TBC1D19: variants seen among roughly 807,000 people sequenced by gnomAD.
TBC1D19 encodes the protein TBC1 domain family, member 19.
In TBC1D19, 60 loss-of-function variants were observed where a neutral mutation model predicts 89.0. The ratio of observed to expected loss-of-function variants is 0.67; its 90% CI spans 0.55 to 0.84. TBC1D19 has a LOEUF of 0.84. Ranked by LOEUF, TBC1D19 falls within the 40% of genes least tolerant of loss-of-function variation. The pLI is 0.00. For missense variants in TBC1D19, 500 were observed against 610.8 expected (o/e 0.82, Z 1.91); for synonymous variants, 189 against 199.7 (o/e 0.95, Z 0.45).
chr4:26,665,373 CAAGG>C (rs1711711827), intron 8 of TBC1D19, among the ~76,000 whole-genome samples: 1 of 151,504 alleles, frequency 6.6e-6, no homozygotes, highest in Non-Finnish European at 1.5e-5. Flanking sequence ...TTTTAAAGGA[CAAGG>C]AAGTATGGGT....
intron 4 of TBC1D19, among the ~76,000 whole-genome samples, chr4:26,629,912 A>G (rs1376526207): frequency 6.6e-6 from 1 of 151,740 alleles, no homozygotes; most frequent in African/African-American, 2.4e-5. Context: ...ATATATTAAT[A>G]TTGGTTGTTT....
chr4:26,721,894 C>T (rs1217741133), intron 15 of TBC1D19, among the ~76,000 whole-genome samples: 1 of 152,162 alleles, frequency 6.6e-6, no homozygotes, highest in African/African-American at 2.4e-5. Context: ...TCTAACCTTT[C>T]TTCACCTGGC....
chr4:26,708,488 T>C (rs1429201316), intron 13 of TBC1D19, among the ~76,000 whole-genome samples: 2 of 152,074 alleles, frequency 1.3e-5, no homozygotes, highest in African/African-American at 2.4e-5. Flanking sequence ...TTGAGTTTCT[T>C]GGATGTTTAT....
intron 1 of TBC1D19, among the ~76,000 whole-genome samples, chr4:26,607,956 C>T (rs552970337): frequency 4.6e-5 from 7 of 152,146 alleles, no homozygotes; most frequent in Non-Finnish European, 8.8e-5. Context: ...GTTGATTGGG[C>T]AGGCAAAGCA....
rs199753629 is a variant in TBC1D19 at position 26,584,169 on chromosome 4, G to A, written c.-25G>A. On this transcript the variant is annotated 5_prime_UTR_variant, in exon 1 of 21. Coordinates refer to ENST00000264866, the MANE Select transcript of TBC1D19 (RefSeq NM_018317.4). Reference sequence around the variant, plus strand: ...CTCCGCGCCGGCGGCCTGTCCCCGCGGCTTGGCGGGCTAGGGCAGGGGAAA... The same window carrying A: ...CTCCGCGCCGGCGGCCTGTCCCCGCAGCTTGGCGGGCTAGGGCAGGGGAAA... 1 of 1,599,640 alleles carries A rather than the reference G, an allele frequency of 6.3e-7. No individual in the cohort carries two copies. Among genetic ancestry groups the A allele is most frequent in the Non-Finnish European group, 8.5e-7 (1 of 1,174,392 alleles).
intron 11 of TBC1D19, among the ~76,000 whole-genome samples, chr4:26,683,227 G>A (rs570400616): frequency 6.6e-6 from 1 of 152,070 alleles, no homozygotes; most frequent in Admixed American, 6.5e-5. Context: ...GGTTTCTTGA[G>A]GTTAAATGTT....
intron 9 of TBC1D19, among the ~76,000 whole-genome samples, chr4:26,670,331 C>A (rs181760449): frequency 6.6e-6 from 1 of 151,324 alleles, no homozygotes; most frequent in Non-Finnish European, 1.5e-5. Context: ...ATTAGGACTA[C>A]AATAAACTAA....
intron 11 of TBC1D19, 145 bp from the exon 12 acceptor site, chr4:26,683,530 A>G (rs1713541632): frequency 1.9e-6 from 1 of 538,954 alleles, no homozygotes; most frequent in East Asian, 3.1e-5. Context: ...AACATCTACT[A>G]TTAGTCAGGC....
At chr4:26,740,964 T>A (rs1237847719) in intron 17 of TBC1D19, 6 of 984,988 alleles carry the variant, frequency 6.1e-6, no homozygotes, top group Non-Finnish European at 7.2e-6. Context: ...ACACCAGTTA[T>A]CCTGGGTTTC....
the TBC1D19 span, among the ~76,000 whole-genome samples, chr4:26,773,513 T>G: frequency 3.3e-5 from 5 of 152,352 alleles, no homozygotes; most frequent in South Asian, 2.1e-4. Flanking sequence ...CAATTGCTTT[T>G]GACATTTTTG....
chr4:26,790,001 C>T, the TBC1D19 span, among the ~76,000 whole-genome samples: 3 of 152,056 alleles, frequency 2.0e-5, no homozygotes, highest in South Asian at 2.1e-4. Context: ...AGACATACAG[C>T]GTGAAATAGT....
At chr4:26,754,852 T>G (rs1245667335) in intron 20 of TBC1D19, 21 bp from the exon 21 acceptor site, 1 of 1,568,284 alleles carries the variant, frequency 6.4e-7, no homozygotes, top group Non-Finnish European at 8.6e-7. Context: ...TATTAATAAT[T>G]CTTTTTATTT....
At chr4:26,681,477 G>A (rs1336434532) in intron 11 of TBC1D19, among the ~76,000 whole-genome samples, 1 of 152,012 alleles carries the variant, frequency 6.6e-6, no homozygotes, top group Non-Finnish European at 1.5e-5. Context: ...CGTGAACCCA[G>A]GAGGCAGAGG....
chr4:26,753,715 A>G (rs6851206), intron 19 of TBC1D19, 105 bp from the exon 20 acceptor site: 3 of 1,174,092 alleles, frequency 2.6e-6, no homozygotes, highest in Non-Finnish European at 3.8e-6. Flanking sequence ...TGTGTAAAGC[A>G]CTAGTTCTGA....
At chr4:26,653,551 T>G (rs960520170) in intron 7 of TBC1D19, among the ~76,000 whole-genome samples, 5 of 152,200 alleles carry the variant, frequency 3.3e-5, no homozygotes, top group African/African-American at 1.2e-4. Context: ...ATGAATCTGG[T>G]TGCTCCTGTA....
chr4:26,810,152 A>G, the TBC1D19 span, among the ~76,000 whole-genome samples: 1 of 152,310 alleles, frequency 6.6e-6, no homozygotes, highest in Non-Finnish European at 1.5e-5. Flanking sequence ...AGCATGTCTT[A>G]CAGTTTTCCA....
chr4:26,818,347 C>T, the TBC1D19 span, among the ~76,000 whole-genome samples: 1 of 152,110 alleles, frequency 6.6e-6, no homozygotes, highest in African/African-American at 2.4e-5. Flanking sequence ...CCTTCCTCAG[C>T]CTCCTGAATA....
chr4:26,601,957 C>A (rs558878141), intron 1 of TBC1D19, among the ~76,000 whole-genome samples: 1 of 152,266 alleles, frequency 6.6e-6, no homozygotes, highest in South Asian at 2.1e-4. Flanking sequence ...GTTGTGACAT[C>A]TTTTCTTTCT....
intron 15 of TBC1D19, among the ~76,000 whole-genome samples, chr4:26,726,725 A>C (rs1717343237): frequency 1.3e-5 from 2 of 152,228 alleles, no homozygotes; most frequent in Admixed American, 6.5e-5. Context: ...CTAAGTAATA[A>C]TATGCTTTCA....
Sources: gnomAD v4.1 joint callset for allele counts (sites outside exome capture counted in the v4.1 genomes callset) on GRCh38, gnomAD v4.1.1 for gene constraint, MANE v1.5 for transcripts, NCBI Gene and HGNC (gene_info 2026-07-23, HGNC 2026-07-21) for gene names.